Variants in QTMAN observed in about 807,000 individuals in gnomAD.
The protein encoded by QTMAN is tRNA-queuosine alpha-mannosyltransferase.
the QTMAN span, among the ~76,000 whole-genome samples, chr2:144,311,097 C>T: frequency 6.6e-6 from 1 of 152,262 alleles, no homozygotes; most frequent in South Asian, 2.1e-4. Flanking sequence ...TTCACTTTCA[C>T]ATCTGAAGTA....
At chr2:144,140,369 T>C in the QTMAN span, among the ~76,000 whole-genome samples, 2 of 151,988 alleles carry the variant, frequency 1.3e-5, no homozygotes, top group Non-Finnish European at 1.5e-5. Context: ...TAAGAGGAGC[T>C]ATAACCATCT....
chr2:144,169,440 A>G, the QTMAN span, among the ~76,000 whole-genome samples: 1 of 152,188 alleles, frequency 6.6e-6, no homozygotes, highest in African/African-American at 2.4e-5. Context: ...TTTTGCTGTA[A>G]TATTTTAAAG....
the QTMAN span, among the ~76,000 whole-genome samples, chr2:144,272,343 G>C: frequency 1.3e-5 from 2 of 151,852 alleles, no homozygotes; most frequent in Non-Finnish European, 2.9e-5. Context: ...CAAAATTTAG[G>C]TTTGAAAAAA....
At chr2:144,250,018 CA>C in the QTMAN span, among the ~76,000 whole-genome samples, 4 of 151,954 alleles carry the variant, frequency 2.6e-5, no homozygotes, top group African/African-American at 7.2e-5. Context: ...CAAGAGGACA[CA>C]AGAGATCTCT....
chr2:144,027,978 T>C, the QTMAN span, among the ~76,000 whole-genome samples: 5 of 152,196 alleles, frequency 3.3e-5, no homozygotes, highest in Admixed American at 2.6e-4. Flanking sequence ...TGGGGGCCGT[T>C]AGTATCTAAA....
chr2:144,301,199 CTTTT>C, the QTMAN span, among the ~76,000 whole-genome samples: 1 of 151,972 alleles, frequency 6.6e-6, no homozygotes, highest in Non-Finnish European at 1.5e-5. Context: ...AAAGATGTAC[CTTTT>C]TTGTTTTGTC....
At chr2:144,237,509 A>C in the QTMAN span, among the ~76,000 whole-genome samples, 9 of 152,200 alleles carry the variant, frequency 5.9e-5, no homozygotes, top group African/African-American at 2.2e-4. Context: ...GCGTTTCGTT[A>C]TCTCTTTAAA....
chr2:144,134,952 G>A, the QTMAN span, among the ~76,000 whole-genome samples: 1 of 152,168 alleles, frequency 6.6e-6, no homozygotes, highest in South Asian at 2.1e-4. Flanking sequence ...AGAGAAAGCA[G>A]ACAATTGATA....
chr2:144,190,756 G>C, the QTMAN span, among the ~76,000 whole-genome samples: 12 of 152,126 alleles, frequency 7.9e-5, no homozygotes, highest in African/African-American at 2.4e-4. Flanking sequence ...AGTTACAAAG[G>C]AAGACTTAGG....
chr2:144,238,133 C>T, the QTMAN span, among the ~76,000 whole-genome samples: 1 of 152,212 alleles, frequency 6.6e-6, no homozygotes, highest in Non-Finnish European at 1.5e-5. Context: ...TCACAAAGCT[C>T]AAGCTAAAAA....
chr2:143,953,129 T>G, the QTMAN span, among the ~76,000 whole-genome samples: 5 of 151,862 alleles, frequency 3.3e-5, no homozygotes, highest in Admixed American at 6.6e-5. Flanking sequence ...TTTAACACAT[T>G]TTATAATCAG....
chr2:143,989,957 C>T, the QTMAN span, among the ~76,000 whole-genome samples: 15 of 152,096 alleles, frequency 9.9e-5, no homozygotes. Context: ...TATTCTCAAC[C>T]CTGTGTGTTG....
chr2:144,177,578 T>C, the QTMAN span, among the ~76,000 whole-genome samples: 3,478 of 152,260 alleles, frequency 0.023, 138 homozygotes, highest in African/African-American at 0.08. Context: ...TTGAGTCAAC[T>C]TGGTAGACAT....
At chr2:144,069,967 C>T in the QTMAN span, among the ~76,000 whole-genome samples, 1 of 151,954 alleles carries the variant, frequency 6.6e-6, no homozygotes, top group South Asian at 2.1e-4. Flanking sequence ...TAACGCTATA[C>T]ATTAAAAAAT....
chr2:144,203,978 C>G, the QTMAN span, among the ~76,000 whole-genome samples: 1 of 151,928 alleles, frequency 6.6e-6, no homozygotes, highest in Admixed American at 6.6e-5. Context: ...TTCCTTACAC[C>G]TTATACAAAA....
chr2:144,153,214 T>TCA, the QTMAN span, among the ~76,000 whole-genome samples: 3 of 152,218 alleles, frequency 2.0e-5, no homozygotes, highest in Non-Finnish European at 4.4e-5. Context: ...ATTTGGTGAC[T>TCA]CACTGCATGT....
chr2:144,280,435 G>T, the QTMAN span, among the ~76,000 whole-genome samples: 2 of 152,156 alleles, frequency 1.3e-5, no homozygotes, highest in East Asian at 1.9e-4. Context: ...CAGCATAGAT[G>T]CAGCCTTCCA....
chr2:144,072,958 A>C, the QTMAN span, among the ~76,000 whole-genome samples: 1 of 152,168 alleles, frequency 6.6e-6, no homozygotes, highest in Non-Finnish European at 1.5e-5. Flanking sequence ...ATTTTATGTT[A>C]CAAGTTTTGC....
the QTMAN span, among the ~76,000 whole-genome samples, chr2:144,309,268 T>C: frequency 9.2e-5 from 14 of 152,272 alleles, no homozygotes; most frequent in African/African-American, 3.4e-4. Context: ...TATTGAGTAA[T>C]CAACCCAGAA....
Sources: gnomAD v4.1 joint callset for allele counts (sites outside exome capture counted in the v4.1 genomes callset) on GRCh38, gnomAD v4.1.1 for gene constraint, MANE v1.5 for transcripts, NCBI Gene and HGNC (gene_info 2026-07-23, HGNC 2026-07-21) for gene names.